RNF10: variants seen among roughly 807,000 people sequenced by gnomAD.
RNF10 encodes the protein E3 ubiquitin-protein ligase RNF10.
A neutral mutation model predicts 91.4 loss-of-function variants in RNF10; 38 were observed. The observed-to-expected ratio is 0.42, with a 90% CI of 0.32 to 0.54. The LOEUF (loss-of-function observed/expected upper bound fraction) is 0.54, where lower values mean the gene tolerates loss of function less well. Ranked by LOEUF, RNF10 falls within the 20% of genes least tolerant of loss-of-function variation. RNF10 has a pLI of 0.16. For missense variants in RNF10, 945 were observed against 1,012.0 expected (o/e 0.93, Z 0.90); for synonymous variants, 364 against 366.3 (o/e 0.99, Z 0.07).
In RNF10 at chr12:120,563,179, G is replaced by A. The variant is rs375200717; in HGVS notation, c.1254+109G>A. 299 of 1,519,114 alleles carry A rather than the reference G, an allele frequency of 2.0e-4. 3 individuals are homozygous for A. The East Asian group carries it at 4.6e-3, about 23-fold the overall frequency. 94.1% of individuals were successfully genotyped at this position (1,519,114 alleles called of 1,614,324 possible). A position where few individuals can be genotyped will look rare whatever the true frequency, so the allele number is the denominator to read the frequency against. ...TTCTCAAGAGAAGAGGGGACAATGA[G>A]TATTTTCTGTATGCTTGTTATTAGT... On this transcript the variant is annotated intron_variant, in intron 8 of 16. Transcript: ENST00000325954.
At chr12:120,573,023 C>G (rs139040272) in intron 14 of RNF10, among the ~76,000 whole-genome samples, 1 of 149,884 alleles carries the variant, frequency 6.7e-6, no homozygotes, top group Non-Finnish European at 1.5e-5. Context: ...GACCTAGATT[C>G]ACTAATTGTT....
chr12:120,555,009 G>A (rs1280831868), intron 4 of RNF10, among the ~76,000 whole-genome samples: 1 of 152,158 alleles, frequency 6.6e-6, no homozygotes, highest in East Asian at 1.9e-4. Flanking sequence ...TAGGGATGGT[G>A]TATGAAAGGC....
Position 120,563,019 on chromosome 12 carries a change from A to G in RNF10, c.1203A>G (p.Gln401=), listed in dbSNP as rs765263258. ...CTGGTGTTGTGGCTGCTCTGGAACA[A>G]CTGGTGCTGATGGCTCCCTTGGCGA... The part of the protein sequence containing the change: ...EVTGVVAALE[Q]LVLMAPLAKE... The change falls in exon 8 of 17, where the codon CAA becomes CAG. Residue 401 remains glutamine, a synonymous_variant. Transcript: ENST00000325954. The G allele has an allele frequency of 3.1e-6, 5 of 1,613,952 alleles. No individual in the cohort carries two copies. The highest frequency in any genetic ancestry group is 1.1e-5 in the South Asian group (1 of 91,078).
rs758828389 is a variant in RNF10, at chr12:120,546,471, A to G, written c.224A>G (p.Glu75Gly). The part of the protein sequence containing the change: ...RKRELSYPKN[E>G]SFNNQSRRSS... ...CGTGAACTTTCCTACCCCAAAAATG[A>G]AAGTTTTAACAACCAGTCCCGTCGC... Residue 75 changes from glutamate to glycine, a missense_variant, in exon 2 of 17, where the codon GAA becomes GGA. Glu to Gly is a moderately conservative substitution (Grantham distance 98). Coordinates refer to ENST00000325954, the MANE Select transcript of RNF10 (RefSeq NM_014868.5). 1 of 1,614,206 alleles carries G rather than the reference A, an allele frequency of 6.2e-7. No individual in the cohort carries two copies. The highest frequency in any genetic ancestry group is 1.1e-5 in the South Asian group (1 of 91,086).
chr12:120,551,827 A>G (rs1412724321), intron 2 of RNF10, among the ~76,000 whole-genome samples: 1 of 151,948 alleles, frequency 6.6e-6, no homozygotes, highest in African/African-American at 2.4e-5. Context: ...GTATTACTCC[A>G]TTCTCTCATT....
rs750003149 is a variant in RNF10, at chr12:120,575,855, G to T, written c.2264G>T (p.Arg755Leu). 8 of 1,614,054 alleles carry T rather than the reference G, an allele frequency of 5.0e-6. No homozygotes were observed. Among genetic ancestry groups the T allele is most frequent in the Middle Eastern group, 1.6e-4 (1 of 6,084 alleles). ...GACGGGGAGAGTGATAATTCAGACC[G>T]TGTTCCTGTGCCCAGTTTTCAAAAT... ...DSDGESDNSD[R>L]VPVPSFQNSF... Residue 755 changes from arginine to leucine, a missense_variant, in exon 16 of 17, where the codon CGT (arginine) becomes CTT (leucine). Physicochemically the swap from Arg to Leu is moderately radical, Grantham distance 102. Transcript: ENST00000325954.
rs541680716 is a variant in RNF10 at position 120,562,844 on chromosome 12, A to G, written c.1129-101A>G. ...TCCCATTGGGTCTCATTGCCTTTTA[A>G]CTTTTGGTCCTGTTGAGAGGCCATT... On this transcript the variant is annotated intron_variant, in intron 7 of 16. Transcript: ENST00000325954. The G allele has an allele frequency of 1.0e-5, 15 of 1,451,416 alleles. No homozygotes were observed. The African/African-American group carries it at 1.3e-4, about 12-fold the overall frequency. 89.9% of individuals were successfully genotyped at this position (1,451,416 alleles called of 1,614,324 possible).
At chr12:120,570,628 A>G (rs1221740965) in intron 13 of RNF10, among the ~76,000 whole-genome samples, 1 of 152,082 alleles carries the variant, frequency 6.6e-6, no homozygotes. Flanking sequence ...CAGTGGATAG[A>G]CTCATCTGTG....
chr12:120,571,880 GGAAC>G (rs1211146080), intron 14 of RNF10, among the ~76,000 whole-genome samples: 4 of 152,072 alleles, frequency 2.6e-5, no homozygotes, highest in African/African-American at 9.7e-5. Context: ...GCTGGGTGGG[GGAAC>G]GATAGGCTAG....
At position 120,574,499 on chromosome 12, in the gene RNF10, G is replaced by A. The variant is rs750558134; in HGVS notation, c.2143-1132G>A. Reference sequence around the variant, plus strand: ...TACTGGCCTGTGGTTGGATCTGAAAGTTAATGATGAAGGAGCTATTGGAAA... The same window carrying A: ...TACTGGCCTGTGGTTGGATCTGAAAATTAATGATGAAGGAGCTATTGGAAA... On this transcript the variant is annotated intron_variant, in intron 14 of 16. Transcript: ENST00000325954. 3.9e-5 allele frequency: 18 copies of A among 456,018 alleles called. 1 individual carries two copies. The highest frequency in any genetic ancestry group is 2.8e-4 in the South Asian group (18 of 64,574). 28.2% of individuals were successfully genotyped at this position (456,018 alleles called of 1,614,324 possible).
Position 120,534,767 on chromosome 12 carries a change from G to T in RNF10, c.-45G>T, listed in dbSNP as rs1436706110. 7 of 1,521,146 alleles carry T rather than the reference G, an allele frequency of 4.6e-6. No individual in the cohort carries two copies. The highest frequency in any genetic ancestry group is 6.1e-6 in the Non-Finnish European group (7 of 1,142,060). 94.2% of individuals were successfully genotyped at this position (1,521,146 alleles called of 1,614,324 possible). A position where few individuals can be genotyped will look rare whatever the true frequency, so the allele number is the denominator to read the frequency against. The stretch of plus-strand genomic sequence containing the variant: ...AACGCCATGAGCCTGGGTCCCCGCC[G>T]CGCCCGCTCCGCTCCGACTGCCGTC... On this transcript the variant is annotated 5_prime_UTR_variant, in exon 1 of 17. Coordinates refer to ENST00000325954, the MANE Select transcript of RNF10 (RefSeq NM_014868.5).
intron 14 of RNF10, among the ~76,000 whole-genome samples, chr12:120,573,288 C>G (rs1408599654): frequency 6.6e-6 from 1 of 152,138 alleles, no homozygotes; most frequent in Non-Finnish European, 1.5e-5. Flanking sequence ...CCTGTTACTC[C>G]CTGCATTTAG....
intron 1 of RNF10, 43 bp from the exon 2 acceptor site, chr12:120,546,362 G>C (rs776426981): frequency 2.1e-5 from 33 of 1,570,174 alleles, no homozygotes; most frequent in Non-Finnish European, 2.8e-5. Context: ...CTAAGTGAAT[G>C]TATCAGCTTC....
intron 1 of RNF10, among the ~76,000 whole-genome samples, chr12:120,541,098 C>T (rs1052578467): frequency 3.3e-5 from 5 of 152,188 alleles, no homozygotes; most frequent in Admixed American, 3.3e-4. Flanking sequence ...CTCAGGTGAT[C>T]CGCCCGCCTC....
chr12:120,535,075 A>T (rs891698924), intron 1 of RNF10, 107 bp downstream of exon 1: 379 of 1,233,936 alleles, frequency 3.1e-4, no homozygotes, highest in Non-Finnish European at 4.0e-4. Flanking sequence ...ACTTTCTTTT[A>T]TAGCTCCTAC....
At chr12:120,569,340 TGTG>T (rs57531334) in intron 13 of RNF10, among the ~76,000 whole-genome samples, 7,865 of 152,044 alleles carry the variant, frequency 0.052, 657 homozygotes, top group African/African-American at 0.17. Context: ...ATTTAAAACT[TGTG>T]GTGACCATTT....
At chr12:120,552,766 A>T (rs1873309231) in intron 3 of RNF10, 68 bp downstream of exon 3, 2 of 1,405,638 alleles carry the variant, frequency 1.4e-6, no homozygotes, top group African/African-American at 1.4e-5. Flanking sequence ...TGCCTCTGTG[A>T]GAGGCTTTTT....
At chr12:120,549,504 G>A (rs1191934003) in intron 2 of RNF10, among the ~76,000 whole-genome samples, 2 of 152,172 alleles carry the variant, frequency 1.3e-5, no homozygotes, top group African/African-American at 2.4e-5. Context: ...GGGTGATGGG[G>A]CCGGGCGCAG....
chr12:120,576,794 T>G lies in RNF10; in HGVS notation c.*128T>G. 1 of 1,315,888 alleles carries G rather than the reference T, an allele frequency of 7.6e-7. No individual in the cohort carries two copies. The allele number at this position is 1,315,888 out of a possible 1,614,324, so 81.5% of individuals were successfully genotyped here. On this transcript the variant is annotated 3_prime_UTR_variant, in exon 17 of 17. Coordinates refer to ENST00000325954, the MANE Select transcript of RNF10 (RefSeq NM_014868.5). ...ACAGATTAGCTCTGGGGGGAGGGGGTTTCCACAATGTGAGGGGGAACCAAG... is the reference window on the plus strand; with the variant it reads ...ACAGATTAGCTCTGGGGGGAGGGGGGTTCCACAATGTGAGGGGGAACCAAG...
Sources: allele counts gnomAD v4.1 joint callset (sites outside exome capture counted in the v4.1 genomes callset), GRCh38; gene constraint gnomAD v4.1.1; transcripts MANE v1.5; gene names NCBI Gene and HGNC (gene_info 2026-07-23, HGNC 2026-07-21).